Variants in RBFOX2 observed in about 807,000 individuals in gnomAD.
RBFOX2 encodes the protein RNA binding protein fox-1 homolog 2.
In RBFOX2, 10 loss-of-function variants were observed where a neutral mutation model predicts 49.1. That is an observed-to-expected ratio of 0.20 (90% CI 0.13 to 0.35). The LOEUF is 0.35. Ranked by LOEUF, RBFOX2 falls within the 10% of genes least tolerant of loss-of-function variation. The probability of loss-of-function intolerance (pLI) is 1.00; values close to 1 mark genes in which losing one functional copy is unlikely to be tolerated. For synonymous variants in RBFOX2, 183 were observed against 187.4 expected (o/e 0.98, Z 0.19); for missense variants, 323 against 486.9 (o/e 0.66, Z 3.17).
chr22:35,831,937 TG>T (rs1956879960), intron 1 of RBFOX2, among the ~76,000 whole-genome samples: 1 of 152,220 alleles, frequency 6.6e-6, no homozygotes, highest in Non-Finnish European at 1.5e-5. Flanking sequence ...GGTAGATTCC[TG>T]CCAATCAGCT....
chr22:36,028,207 G>T (rs1374575380), intron 1 of RBFOX2, 33 bp downstream of exon 1: 2 of 1,451,248 alleles, frequency 1.4e-6, no homozygotes, highest in Non-Finnish European at 1.8e-6. Context: ...GCCCACCCCC[G>T]CAATAACTGG....
intron 1 of RBFOX2, chr22:35,996,828 G>C (rs2058213866): frequency 6.6e-6 from 1 of 152,164 alleles, no homozygotes; most frequent in Non-Finnish European, 1.5e-5. Context: ...AGAAATGTCA[G>C]AAGAGTGTTT....
At position 35,977,722 on chromosome 22, in the gene RBFOX2, C is replaced by CTATA. The variant is rs375088964; in HGVS notation, c.187-38829_187-38826dup. Among the ~76,000 whole-genome samples the CTATA allele has an allele frequency of 5.8e-3, 466 of 80,804 alleles. 2 individuals are homozygous for CTATA. The highest frequency in any genetic ancestry group is 8.3e-3 in the Non-Finnish European group (350 of 41,994). 53.0% of individuals were successfully genotyped at this position (80,804 alleles called of 152,430 possible). A position where few individuals can be genotyped will look rare whatever the true frequency, so the allele number is the denominator to read the frequency against. On this transcript the variant is annotated intron_variant, in intron 1 of 13. Transcript: ENST00000438146. ...TGCATGTAAATTATACCTGAATGAA[C>CTATA]TATATATATATATATATATATATAT... is the stretch of plus-strand genomic sequence containing the variant.
At chr22:35,787,578 A>T (rs1946672785) in intron 2 of RBFOX2, among the ~76,000 whole-genome samples, 1 of 152,374 alleles carries the variant, frequency 6.6e-6, no homozygotes, top group Middle Eastern at 3.4e-3. Context: ...CAACTGGGAC[A>T]TTCTCACTTT....
At chr22:35,812,293 C>A (rs541402945) in intron 1 of RBFOX2, among the ~76,000 whole-genome samples, 1 of 151,792 alleles carries the variant, frequency 6.6e-6, no homozygotes, top group South Asian at 2.1e-4. Flanking sequence ...AAAAACCCCT[C>A]TCTTTAGTTC....
At chr22:35,765,247 C>T (rs1030343670) in intron 6 of RBFOX2, among the ~76,000 whole-genome samples, 176 bp downstream of exon 7, 12 of 151,344 alleles carry the variant, frequency 7.9e-5, no homozygotes, top group African/African-American at 2.9e-4. Flanking sequence ...AAAAACTTAG[C>T]TCAATTGTAA....
chr22:35,955,609 C>T (rs573702870), intron 1 of RBFOX2, among the ~76,000 whole-genome samples: 20 of 152,076 alleles, frequency 1.3e-4, no homozygotes, highest in Non-Finnish European at 2.6e-4. Context: ...ATCAGGCATT[C>T]GATGGAACAG....
intron 1 of RBFOX2, among the ~76,000 whole-genome samples, chr22:35,837,242 T>A (rs1957836538): frequency 6.6e-6 from 1 of 152,184 alleles, no homozygotes; most frequent in Non-Finnish European, 1.5e-5. Flanking sequence ...GATGAAAAAG[T>A]CATTCACTGA....
chr22:35,898,136 C>T, intron 1 of RBFOX2: 1 of 743,922 alleles, frequency 1.3e-6, no homozygotes, highest in South Asian at 1.4e-5. Context: ...TGCATGATGT[C>T]ACATGTATCA....
intron 1 of RBFOX2, among the ~76,000 whole-genome samples, chr22:35,968,250 G>A (rs1289464810): frequency 6.6e-6 from 1 of 152,202 alleles, no homozygotes; most frequent in African/African-American, 2.4e-5. Context: ...GTTAGTTAAG[G>A]GAAGGGATAG....
At chr22:35,845,168 C>T (rs769296056), upstream of RBFOX2, among the ~76,000 whole-genome samples, 1 of 152,058 alleles carries the variant, frequency 6.6e-6, no homozygotes, top group African/African-American at 2.4e-5. Context: ...AGGCTCTTCA[C>T]GGCACGCCCC....
chr22:36,012,808 G>A (rs757079436), intron 1 of RBFOX2, among the ~76,000 whole-genome samples: 11 of 151,256 alleles, frequency 7.3e-5, no homozygotes, highest in Non-Finnish European at 1.6e-4. Flanking sequence ...TCTGTCACCC[G>A]GGCTGGAGTG....
At chr22:35,932,127 T>C (rs1349737936) in intron 1 of RBFOX2, among the ~76,000 whole-genome samples, 1 of 152,168 alleles carries the variant, frequency 6.6e-6, no homozygotes, top group Non-Finnish European at 1.5e-5. Flanking sequence ...ACACTTACCA[T>C]GTCCTCCATT....
chr22:35,852,956 A>G (rs1277290934), intron 1 of RBFOX2, among the ~76,000 whole-genome samples: 3 of 152,220 alleles, frequency 2.0e-5, no homozygotes, highest in African/African-American at 7.2e-5. Context: ...AAATTCTTCT[A>G]GACTATACAT....
intron 1 of RBFOX2, among the ~76,000 whole-genome samples, chr22:35,839,445 T>G (rs1958318626): frequency 6.8e-6 from 1 of 146,208 alleles, no homozygotes; most frequent in Non-Finnish European, 1.5e-5. Flanking sequence ...AGAGAGTGAG[T>G]GGGAGTGGGA....
intron 1 of RBFOX2, among the ~76,000 whole-genome samples, chr22:35,958,304 T>C (rs1281967576): frequency 2.0e-5 from 3 of 152,198 alleles, no homozygotes; most frequent in Non-Finnish European, 2.9e-5. Context: ...ATAAAATATA[T>C]GTGATCATGT....
intron 1 of RBFOX2, among the ~76,000 whole-genome samples, chr22:35,991,234 G>A (rs142542092): frequency 2.4e-4 from 36 of 152,292 alleles, no homozygotes; most frequent in African/African-American, 8.7e-4. Context: ...GGCTGAAGAT[G>A]AAGGAAGTTT....
chr22:35,835,293 C>T (rs1000169725), intron 1 of RBFOX2, among the ~76,000 whole-genome samples: 5 of 151,820 alleles, frequency 3.3e-5, no homozygotes, highest in African/African-American at 9.7e-5. Context: ...AGAAGGAGAC[C>T]AGGGTGGGTA....
chr22:35,796,812 G>C (rs1380750026), intron 2 of RBFOX2, among the ~76,000 whole-genome samples: 1 of 152,088 alleles, frequency 6.6e-6, no homozygotes, highest in Non-Finnish European at 1.5e-5. Context: ...TATCATCACG[G>C]ATCTCATCAG....
Sources: gnomAD v4.1 joint callset for allele counts (sites outside exome capture counted in the v4.1 genomes callset) on GRCh38, gnomAD v4.1.1 for gene constraint, MANE v1.5 for transcripts, NCBI Gene and HGNC (gene_info 2026-07-23, HGNC 2026-07-21) for gene names.